ENPP1: variants seen among roughly 807,000 people sequenced by gnomAD.
ENPP1 encodes the protein ectonucleotide pyrophosphatase/phosphodiesterase 1, also known as ectonucleotide pyrophosphatase/phosphodiesterase family member 1.
In ENPP1, 73 loss-of-function variants were observed where a neutral mutation model predicts 122.8. The ratio of observed to expected loss-of-function variants is 0.59; its 90% CI spans 0.49 to 0.72. The LOEUF (loss-of-function observed/expected upper bound fraction) is 0.72, where lower values mean the gene tolerates loss of function less well. Among genes scored for constraint, ENPP1 ranks in the 30% least tolerant of loss-of-function variants. ENPP1 has a pLI of 0.00. For missense variants in ENPP1, 978 were observed against 1,128.1 expected (o/e 0.87, Z 1.91); for synonymous variants, 367 against 391.6 (o/e 0.94, Z 0.74).
At chr6:131,833,672 AAG>A (rs770484678) in intron 1 of ENPP1, among the ~76,000 whole-genome samples, 2 of 152,312 alleles carry the variant, frequency 1.3e-5, no homozygotes, top group African/African-American at 4.8e-5. Context: ...GTTATCAGGA[AAG>A]AGAGAGAAAT....
rs184721449 is a variant in ENPP1 at position 131,824,579 on chromosome 6, C to T, written c.240+16304C>T. On this transcript the variant is annotated intron_variant, in intron 1 of 24. Coordinates refer to ENST00000647893, the MANE Select transcript of ENPP1 (RefSeq NM_006208.3). The stretch of plus-strand genomic sequence containing the variant: ...AAGCGATTCTCCTGCCTCAGCCTCC[C>T]GAGTAGCTGGGATTATAGGTGCTCG... 5.9e-5 allele frequency among the ~76,000 whole-genome samples: 9 copies of T among 152,150 alleles called. No homozygotes were observed. In the East Asian group the frequency reaches 1.6e-3, roughly 26 times the overall value.
rs1782357839 is a variant in ENPP1, at chr6:131,885,002, A to G, written c.2383A>G (p.Ser795Gly). 1 of 1,613,942 alleles carries G rather than the reference A, an allele frequency of 6.2e-7. No homozygotes were observed. Among genetic ancestry groups the G allele is most frequent in the South Asian group, 1.1e-5 (1 of 91,086 alleles). Residue 795 changes from serine to glycine, a missense_variant, in exon 23 of 25, where the codon AGT (serine) becomes GGT (glycine). Ser to Gly is a moderately conservative substitution (Grantham distance 56). Transcript: ENST00000647893. ...AEERNGVNVV[S>G]GPVFDFDYDG... ...AGAAAGAAATGGTGTCAATGTCGTCAGTGGTCCTGTGTTTGACTTTGATTA... is the reference window on the plus strand; with the variant it reads ...AGAAAGAAATGGTGTCAATGTCGTCGGTGGTCCTGTGTTTGACTTTGATTA...
intron 16 of ENPP1, 82 bp from the exon 17 acceptor site, chr6:131,875,694 T>C (rs1405501535): frequency 2.0e-6 from 2 of 995,550 alleles, no homozygotes; most frequent in African/African-American, 3.2e-5. Context: ...TTTGTATATG[T>C]ACAATGTGGA....
intron 8 of ENPP1, 54 bp from the exon 9 acceptor site, chr6:131,861,541 C>A: frequency 8.8e-7 from 1 of 1,142,716 alleles, no homozygotes; most frequent in Non-Finnish European, 1.3e-6. Flanking sequence ...ACATACTTTC[C>A]TAAGAGATGA....
chr6:131,877,465 A>T, intron 18 of ENPP1: 1 of 409,900 alleles, frequency 2.4e-6, no homozygotes, highest in Middle Eastern at 7.5e-4. Flanking sequence ...GTTCTTGAGC[A>T]TCCTGAATTA....
intron 7 of ENPP1, 35 bp downstream of exon 7, chr6:131,858,782 G>A: frequency 7.2e-7 from 1 of 1,379,902 alleles, no homozygotes; most frequent in East Asian, 2.3e-5. Flanking sequence ...TCTGTTTGAA[G>A]AAGTGAGATG....
intron 1 of ENPP1, among the ~76,000 whole-genome samples, chr6:131,818,125 T>G (rs1185721001): frequency 6.6e-6 from 1 of 152,102 alleles, no homozygotes; most frequent in Non-Finnish European, 1.5e-5. Context: ...GATGCTCTCT[T>G]ATGGTTAGAG....
Position 131,808,189 on chromosome 6 carries a change from C to T in ENPP1, c.154C>T (p.Pro52Ser), listed in dbSNP as rs754866098. 121 of 1,497,866 alleles carry T rather than the reference C, an allele frequency of 8.1e-5. 1 individual carries two copies. Among genetic ancestry groups the T allele is most frequent in the Admixed American group, 4.4e-5 (2 of 45,172 alleles). The allele number at this position is 1,497,866 out of a possible 1,614,324, so 92.8% of individuals were successfully genotyped here. A position where few individuals can be genotyped will look rare whatever the true frequency, so the allele number is the denominator to read the frequency against. Residue 52 changes from proline to serine, a missense_variant, in exon 1 of 25, where the codon CCT becomes TCT. Around this residue, in one of 3 missense-constraint regions of ENPP1, gnomAD observed 330 missense variants for 328.5 expected, o/e 1.00. Transcript: ENST00000647893. ...DPQAAASLLA[P>S]MDVGEEPLEK... Reference sequence around the variant, plus strand: ...GCAGGCGGCCGCGTCCTTGCTGGCCCCTATGGACGTGGGGGAGGAGCCGCT... The same window carrying T: ...GCAGGCGGCCGCGTCCTTGCTGGCCTCTATGGACGTGGGGGAGGAGCCGCT...
At chr6:131,817,214 A>T (rs1319599164) in intron 1 of ENPP1, among the ~76,000 whole-genome samples, 1 of 152,246 alleles carries the variant, frequency 6.6e-6, no homozygotes, top group African/African-American at 2.4e-5. Context: ...CTAATAGCTA[A>T]TGCCATCCCA....
At chr6:131,847,658 A>T in intron 1 of ENPP1, 118 bp from the exon 2 acceptor site, 1 of 714,998 alleles carries the variant, frequency 1.4e-6, no homozygotes, top group Non-Finnish European at 2.3e-6. Context: ...GTGAACTATG[A>T]TCATGCCACT....
At chr6:131,865,924 A>G (rs1369815129) in intron 11 of ENPP1, among the ~76,000 whole-genome samples, 1 of 151,506 alleles carries the variant, frequency 6.6e-6, no homozygotes, top group East Asian at 1.9e-4. Context: ...TGAACCCAGG[A>G]TGGGGAGGTT....
At chr6:131,845,941 GT>G (rs2114686842) in intron 1 of ENPP1, among the ~76,000 whole-genome samples, 1 of 152,168 alleles carries the variant, frequency 6.6e-6, no homozygotes, top group African/African-American at 2.4e-5. Context: ...AAAAACACAT[GT>G]TTTTGCATCC....
chr6:131,860,000 G>A (rs994555266), intron 7 of ENPP1, among the ~76,000 whole-genome samples: 1 of 152,022 alleles, frequency 6.6e-6, no homozygotes, highest in Non-Finnish European at 1.5e-5. Flanking sequence ...CATGTCCCAC[G>A]GGCCTTCAGC....
At chr6:131,851,450 T>G in intron 4 of ENPP1, 183 bp downstream of exon 4, 1 of 640,760 alleles carries the variant, frequency 1.6e-6, no homozygotes, top group Non-Finnish European at 2.7e-6. Context: ...AGAGAGAGTA[T>G]GTAATGAACA....
intron 19 of ENPP1, 21 bp downstream of exon 19, chr6:131,878,614 A>C (rs1782265420): frequency 1.1e-5 from 18 of 1,592,048 alleles, no homozygotes; most frequent in Non-Finnish European, 1.6e-5. Flanking sequence ...CTACACACTC[A>C]AGCTCGGAAT....
chr6:131,859,006 T>C (rs1269994902), intron 7 of ENPP1, among the ~76,000 whole-genome samples: 1 of 152,186 alleles, frequency 6.6e-6, no homozygotes, highest in African/African-American at 2.4e-5. Flanking sequence ...CCTGGTTTCC[T>C]TTCAGTGTTA....
At chr6:131,837,237 TTATA>T (rs1781686197) in intron 1 of ENPP1, among the ~76,000 whole-genome samples, 1 of 147,252 alleles carries the variant, frequency 6.8e-6, no homozygotes, top group Non-Finnish European at 1.5e-5. Flanking sequence ...ACTTAAAAGT[TTATA>T]AAGGCCAGAC....
chr6:131,808,285 C>T lies in ENPP1; in HGVS notation c.240+10C>T, dbSNP rs1285286116. 2 of 1,488,780 alleles carry T rather than the reference C, an allele frequency of 1.3e-6. No individual in the cohort carries two copies. Among genetic ancestry groups the T allele is most frequent in the African/African-American group, 2.9e-5 (2 of 69,498 alleles). The allele number at this position is 1,488,780 out of a possible 1,614,324, so 92.2% of individuals were successfully genotyped here. ...TAAAGTACTCTCGCTGGTAGGTCCGCGGCCAGGCCCCGGCGCCCGGGAGGG... is the reference window on the plus strand; with the variant it reads ...TAAAGTACTCTCGCTGGTAGGTCCGTGGCCAGGCCCCGGCGCCCGGGAGGG... On this transcript the variant is annotated intron_variant, in intron 1 of 24. Coordinates refer to ENST00000647893, the MANE Select transcript of ENPP1 (RefSeq NM_006208.3).
chr6:131,808,377 G>T, intron 1 of ENPP1, 102 bp downstream of exon 1: 1 of 1,336,574 alleles, frequency 7.5e-7, no homozygotes. Flanking sequence ...GGGCACCGGA[G>T]AGAGGCATGG....
Sources: gnomAD v4.1 joint callset for allele counts (sites outside exome capture counted in the v4.1 genomes callset) on GRCh38, gnomAD v4.1.1 for gene constraint, gnomAD v4.1.1 regional missense constraint, MANE v1.5 for transcripts, NCBI Gene and HGNC (gene_info 2026-07-23, HGNC 2026-07-21) for gene names.